The following NOC3L variants were observed in gnomAD, a reference collection of about 807,000 sequenced individuals.
The protein encoded by NOC3L is NOC3 like DNA replication regulator.
In NOC3L, 85 loss-of-function variants were observed where a neutral mutation model predicts 102.5. That is an observed-to-expected ratio of 0.83 (90% CI 0.70 to 0.99). NOC3L has a LOEUF of 0.99. Among genes scored for constraint, NOC3L ranks in the 50% least tolerant of loss-of-function variants. The probability of loss-of-function intolerance (pLI) is 0.00; values close to 1 mark genes in which losing one functional copy is unlikely to be tolerated. For synonymous variants in NOC3L, 303 were observed against 309.4 expected (o/e 0.98, Z 0.22); for missense variants, 878 against 914.9 (o/e 0.96, Z 0.52).
intron 14 of NOC3L, 132 bp from the exon 15 acceptor site, chr10:94,340,628 G>A (rs921571806): frequency 1.4e-6 from 1 of 715,098 alleles, no homozygotes; most frequent in South Asian, 1.9e-5. Context: ...TTGGGAGGCT[G>A]AGGCAGGCAG....
At chr10:94,338,115 A>G (rs1334161647) in intron 18 of NOC3L, among the ~76,000 whole-genome samples, 7 of 152,264 alleles carry the variant, frequency 4.6e-5, no homozygotes, top group Non-Finnish European at 2.9e-5. Flanking sequence ...ATATAAATAG[A>G]AAAATCAAAA....
chr10:94,331,908 G>C (rs1276331234), downstream of NOC3L: 1 of 124,390 alleles, frequency 8.0e-6, no homozygotes, highest in Non-Finnish European at 1.6e-5. Flanking sequence ...GTCTCACTCT[G>C]TTGCCCAGCC....
chr10:94,350,090 A>G, intron 9 of NOC3L, 23 bp downstream of exon 9: 1 of 1,612,080 alleles, frequency 6.2e-7, no homozygotes, highest in Non-Finnish European at 8.5e-7. Flanking sequence ...GGAGGACAGC[A>G]ATAACCATTT....
the NOC3L span, among the ~76,000 whole-genome samples, chr10:94,320,889 A>T: frequency 6.6e-6 from 1 of 152,222 alleles, no homozygotes; most frequent in South Asian, 2.1e-4. Context: ...AAAAGGATGT[A>T]TTATCCAATG....
intron 14 of NOC3L, 65 bp from the exon 15 acceptor site, chr10:94,340,561 C>CT (rs1402784505): frequency 1.4e-6 from 2 of 1,418,566 alleles, no homozygotes; most frequent in Non-Finnish European, 2.0e-6. Context: ...CCATTTATAG[C>CT]TTTAAAAAAG....
intron 13 of NOC3L, among the ~76,000 whole-genome samples, chr10:94,344,133 C>A (rs886693482): frequency 6.6e-6 from 1 of 152,134 alleles, no homozygotes; most frequent in African/African-American, 2.4e-5. Context: ...ATTGACTACA[C>A]AGTGCAGAAA....
At chr10:94,328,890 C>T (rs141731475), downstream of NOC3L, 10 of 152,094 alleles carry the variant, frequency 6.6e-5, no homozygotes, top group African/African-American at 1.4e-4. Context: ...TTTAGAATGA[C>T]GTATAATTTA....
chr10:94,328,664 C>CT (rs2133959052), downstream of NOC3L: 1 of 152,318 alleles, frequency 6.6e-6, no homozygotes, highest in East Asian at 1.9e-4. Flanking sequence ...TGGGGCATTT[C>CT]AAGTGTAAAT....
At position 94,354,649 on chromosome 10, in the gene NOC3L, G is replaced by A. The variant is rs144352007; in HGVS notation, c.696+314C>T. Among the ~76,000 whole-genome samples the A allele has an allele frequency of 5.1e-3, 770 of 152,232 alleles. 10 individuals carry two copies. Among genetic ancestry groups the A allele is most frequent in the African/African-American group, 0.017 (706 of 41,534 alleles). The stretch of plus-strand genomic sequence containing the variant: ...GGTATGTCAAGCAAATTTGCAAACA[G>A]GTTCCTCCTCCCTAATACAATTTTA... On this transcript the variant is annotated intron_variant, in intron 6 of 20. Transcript: ENST00000371361.
chr10:94,333,356 T>C lies in NOC3L; in HGVS notation c.*821A>G, dbSNP rs2054181053. ...GAATAGCTGTTACATAAAATACTGTTTTATAATTATATTAATAAGAAAAAG... is the reference window on the plus strand; with the variant it reads ...GAATAGCTGTTACATAAAATACTGTCTTATAATTATATTAATAAGAAAAAG... On this transcript the variant is annotated 3_prime_UTR_variant, in exon 21 of 21. Coordinates refer to ENST00000371361, the MANE Select transcript of NOC3L (RefSeq NM_022451.11). 1.3e-5 allele frequency: 2 copies of C among 152,160 alleles called. No homozygotes were observed. The highest frequency in any genetic ancestry group is 4.1e-4 in the South Asian group (2 of 4,832). 9.4% of individuals were successfully genotyped at this position (152,160 alleles called of 1,614,324 possible).
the NOC3L span, among the ~76,000 whole-genome samples, chr10:94,327,034 C>A: frequency 6.6e-6 from 1 of 151,922 alleles, no homozygotes; most frequent in Non-Finnish European, 1.5e-5. Context: ...TGGTGGTGTG[C>A]GCAGGTAGTC....
intron 2 of NOC3L, among the ~76,000 whole-genome samples, chr10:94,358,871 T>C (rs543356835): frequency 6.6e-6 from 1 of 152,320 alleles, no homozygotes; most frequent in African/African-American, 2.4e-5. Flanking sequence ...AACCACACTC[T>C]TGCCAATATC....
At chr10:94,323,832 G>T in the NOC3L span, among the ~76,000 whole-genome samples, 7 of 152,140 alleles carry the variant, frequency 4.6e-5, no homozygotes, top group African/African-American at 1.7e-4. Context: ...AACATTTAAT[G>T]AATTAACAAA....
intron 6 of NOC3L, among the ~76,000 whole-genome samples, chr10:94,353,661 TCATATAGTTAGAAA>T (rs2054449357): frequency 6.6e-6 from 1 of 152,214 alleles, no homozygotes; most frequent in Non-Finnish European, 1.5e-5. Context: ...CATATTTTTG[TCATATAGTTAGAAA>T]CATACAGACC....
chr10:94,349,456 G>A (rs1230718742), intron 9 of NOC3L, 78 bp from the exon 10 acceptor site: 1 of 1,301,432 alleles, frequency 7.7e-7, no homozygotes, highest in African/African-American at 1.5e-5. Flanking sequence ...AGAATTCTTT[G>A]TTGTAGGGGG....
chr10:94,324,202 A>G, the NOC3L span: 1 of 750,650 alleles, frequency 1.3e-6, no homozygotes, highest in African/African-American at 1.7e-5. Context: ...CAACTATACA[A>G]CTGCAAAATG....
At chr10:94,350,716 CAA>C (rs201167962) in intron 8 of NOC3L, among the ~76,000 whole-genome samples, 15 of 62,592 alleles carry the variant, frequency 2.4e-4, no homozygotes, top group Admixed American at 3.9e-4. Flanking sequence ...GACATCGTCT[CAA>C]AAAAAAAAAA....
chr10:94,322,012 G>C, the NOC3L span: 11 of 1,614,134 alleles, frequency 6.8e-6, no homozygotes, highest in Non-Finnish European at 9.3e-6. Flanking sequence ...ACCTCGAACA[G>C]TCATCAAAGC....
chr10:94,352,517 AC>A, intron 7 of NOC3L, 114 bp from the exon 8 acceptor site: 1 of 706,392 alleles, frequency 1.4e-6, no homozygotes, highest in African/African-American at 1.8e-5. Flanking sequence ...AAAACAAAAA[AC>A]AAAAAACGCG....
Sources: gnomAD v4.1 joint callset for allele counts (sites outside exome capture counted in the v4.1 genomes callset) on GRCh38, gnomAD v4.1.1 for gene constraint, MANE v1.5 for transcripts, NCBI Gene and HGNC (gene_info 2026-07-23, HGNC 2026-07-21) for gene names.